FOCAD: variants seen among roughly 807,000 people sequenced by gnomAD.
FOCAD encodes the protein KIAA1797.
A neutral mutation model predicts 225.6 loss-of-function variants in FOCAD; 198 were observed. The ratio of observed to expected loss-of-function variants is 0.88; its 90% confidence interval spans 0.78 to 0.99. The LOEUF is 0.99. Ranked by LOEUF, FOCAD falls within the 50% of genes least tolerant of loss-of-function variation. FOCAD has a pLI of 0.00. For missense variants in FOCAD, 2,713 were observed against 2,123.6 expected, an observed-to-expected ratio of 1.28 and a Z score of -5.46; for synonymous variants, 897 against 755.0, an observed-to-expected ratio of 1.19 and a Z score of -3.08.
chr9:20,922,296 T>C (rs1834511627), intron 24 of FOCAD, among the ~76,000 whole-genome samples: 1 of 152,090 alleles, frequency 6.6e-6, no homozygotes, highest in South Asian at 2.1e-4. Flanking sequence ...TAAACGTTGA[T>C]GTCTTGCTAA....
At chr9:20,739,351 C>A (rs1392177120) in intron 4 of FOCAD, among the ~76,000 whole-genome samples, 1 of 152,178 alleles carries the variant, frequency 6.6e-6, no homozygotes, top group African/African-American at 2.4e-5. Context: ...CACTTGTAAT[C>A]CCAGCACTTT....
chr9:20,937,110 T>C (rs1386835981), intron 28 of FOCAD, among the ~76,000 whole-genome samples: 2 of 150,898 alleles, frequency 1.3e-5, no homozygotes, highest in East Asian at 1.9e-4. Flanking sequence ...CATTCCATGC[T>C]CATGGGTAGG....
chr9:20,762,334 A>C (rs913092189), intron 6 of FOCAD, among the ~76,000 whole-genome samples: 6 of 152,178 alleles, frequency 3.9e-5, no homozygotes, highest in Non-Finnish European at 8.8e-5. Context: ...TGTTTCAGTA[A>C]TAATTTTGAA....
At position 20,835,644 on chromosome 9, in the gene FOCAD, T is replaced by G. The variant is rs751868308; in HGVS notation, c.1920+12529T>G. Among the ~76,000 whole-genome samples the G allele has an allele frequency of 3.0e-4, 45 of 152,188 alleles. 1 individual carries two copies. Among genetic ancestry groups the G allele is most frequent in the Non-Finnish European group, 3.5e-4 (24 of 67,954 alleles). ...AAATTGTCCAGGGTTGGAGAAGAAA[T>G]ACAGGATGTGCCGAAATTAAAATCA... On this transcript the variant is annotated intron_variant, in intron 15 of 43. Coordinates refer to ENST00000338382, the MANE Select transcript of FOCAD (RefSeq NM_001375567.1).
At chr9:20,785,764 G>C (rs533506995) in intron 10 of FOCAD, among the ~76,000 whole-genome samples, 1 of 152,268 alleles carries the variant, frequency 6.6e-6, no homozygotes, top group African/African-American at 2.4e-5. Context: ...CTCTTGAGTA[G>C]ATACCGAGGA....
intron 18 of FOCAD, among the ~76,000 whole-genome samples, chr9:20,867,991 C>A (rs1319276310): frequency 2.0e-5 from 3 of 152,040 alleles, no homozygotes; most frequent in African/African-American, 7.2e-5. Context: ...AAACCAATTC[C>A]TAAGGCAGGC....
intron 15 of FOCAD, among the ~76,000 whole-genome samples, chr9:20,824,960 A>G (rs940491048): frequency 1.3e-5 from 2 of 152,042 alleles, no homozygotes; most frequent in Non-Finnish European, 2.9e-5. Context: ...AGATATTACC[A>G]ATGTCCAGAA....
In FOCAD at chr9:20,789,710, T is replaced by G. The variant is rs1252202487; in HGVS notation, c.1455+102T>G. On this transcript the variant is annotated intron_variant, in intron 11 of 43. Transcript: ENST00000338382. ...GATTATTTGCATCAGAGTTTTAAAT[T>G]ATGGGTTGATGATTTTTTTTTTTTT... The G allele has an allele frequency of 2.8e-6, 4 of 1,435,366 alleles. No homozygotes were observed. In the African/African-American group the frequency reaches 4.3e-5, roughly 15 times the overall value. 88.9% of individuals were successfully genotyped at this position (1,435,366 alleles called of 1,614,324 possible). A position where few individuals can be genotyped will look rare whatever the true frequency, so the allele number is the denominator to read the frequency against.
Position 20,779,482 on chromosome 9 carries a change from C to T in FOCAD, c.994+714C>T, listed in dbSNP as rs374641564. Among the ~76,000 whole-genome samples, 4 of 152,302 alleles carry T rather than the reference C, an allele frequency of 2.6e-5. No homozygotes were observed. In the South Asian group the frequency reaches 6.2e-4, roughly 24 times the overall value. On this transcript the variant is annotated intron_variant, in intron 9 of 43. Transcript: ENST00000338382. ...ACGTGAGAGGCCAGGCACGGTGGCT[C>T]ATGCTTGTAATCCCAACGCTTTGGG...
chr9:20,770,908 G>T (rs1392436514), intron 8 of FOCAD, among the ~76,000 whole-genome samples: 2 of 151,968 alleles, frequency 1.3e-5, no homozygotes, highest in African/African-American at 2.4e-5. Flanking sequence ...ATAGTAATAT[G>T]CCAGGCTTTA....
rs78562140 is a variant in FOCAD, at chr9:20,860,950, C to A, written c.1921-1628C>A. On this transcript the variant is annotated intron_variant, in intron 15 of 43. Coordinates refer to ENST00000338382, the MANE Select transcript of FOCAD (RefSeq NM_001375567.1). ...GCTGTGATCTACCAGCCTTTCCCCA[C>A]CAATACTTGTGCTTTTTGTACCTAT... Among the ~76,000 whole-genome samples, 346 of 152,330 alleles carry A rather than the reference C, an allele frequency of 2.3e-3. 10 individuals carry two copies. The East Asian group carries it at 0.045, about 20-fold the overall frequency.
intron 34 of FOCAD, among the ~76,000 whole-genome samples, chr9:20,952,142 C>G (rs1474200603): frequency 6.6e-6 from 1 of 152,126 alleles, no homozygotes; most frequent in Non-Finnish European, 1.5e-5. Flanking sequence ...TCACAGTGTC[C>G]TGGTAAGATA....
intron 21 of FOCAD, among the ~76,000 whole-genome samples, chr9:20,890,915 T>C (rs1008771077): frequency 6.6e-6 from 1 of 152,110 alleles, no homozygotes; most frequent in African/African-American, 2.4e-5. Flanking sequence ...CCTCATTTTG[T>C]TGCACTTTGC....
chr9:20,932,121 G>T (rs539529647), intron 27 of FOCAD, among the ~76,000 whole-genome samples: 34 of 152,130 alleles, frequency 2.2e-4, no homozygotes, highest in Middle Eastern at 6.8e-3. Context: ...TACTCCAAAG[G>T]ACAACTTTTA....
At position 20,948,349 on chromosome 9, in the gene FOCAD, G is replaced by A. The variant is rs888872975; in HGVS notation, c.3754G>A (p.Gly1252Ser). ...TGGACATGGAAAAGCTGAAGACTTG[G>A]GCAGCAAACTACTCCCTGCCTGGAT... ...VCGHGKAEDL[G>S]SKLLPAWIRI... Residue 1252 changes from glycine (G) to serine (S), a missense_variant, in exon 31 of 44, where the codon GGC becomes AGC. Coordinates refer to ENST00000338382, the MANE Select transcript of FOCAD (RefSeq NM_001375567.1). 2 of 1,612,326 alleles carry A rather than the reference G, an allele frequency of 1.2e-6. No individual in the cohort carries two copies. Among genetic ancestry groups the A allele is most frequent in the Non-Finnish European group, 1.7e-6 (2 of 1,178,960 alleles).
intron 22 of FOCAD, among the ~76,000 whole-genome samples, chr9:20,911,027 T>C (rs975303727): frequency 2.0e-5 from 3 of 152,148 alleles, no homozygotes; most frequent in African/African-American, 7.2e-5. Context: ...AAATTTCTTG[T>C]TCCTTGTCTT....
intron 8 of FOCAD, among the ~76,000 whole-genome samples, chr9:20,771,368 A>T (rs1268580636): frequency 6.6e-6 from 1 of 152,160 alleles, no homozygotes; most frequent in African/African-American, 2.4e-5. Context: ...TCGTAGGAAG[A>T]TGGAGGAGGG....
chr9:20,940,765 G>T (rs547381601), intron 28 of FOCAD, among the ~76,000 whole-genome samples: 19 of 152,302 alleles, frequency 1.2e-4, no homozygotes, highest in Admixed American at 1.1e-3. Flanking sequence ...CAGATAGGAG[G>T]CTTGTTTCAG....
chr9:20,687,131 A>T (rs1822715615), intron 1 of FOCAD, among the ~76,000 whole-genome samples: 1 of 152,138 alleles, frequency 6.6e-6, no homozygotes, highest in African/African-American at 2.4e-5. Context: ...GATGTTCCAA[A>T]ACCCTTGACT....
Sources: allele counts gnomAD v4.1 joint callset (sites outside exome capture counted in the v4.1 genomes callset), GRCh38; gene constraint gnomAD v4.1.1; transcripts MANE v1.5; gene names NCBI Gene and HGNC (gene_info 2026-07-23, HGNC 2026-07-21).